PLCH2: variants seen among roughly 807,000 people sequenced by gnomAD.
The protein encoded by PLCH2 is phospholipase C eta 2, also known as 1-phosphatidylinositol 4,5-bisphosphate phosphodiesterase eta-2.
PLCH2 carries 98 observed loss-of-function variants against 134.7 expected under a neutral mutation model. The ratio of observed to expected loss-of-function variants is 0.73; its 90% CI spans 0.62 to 0.86. The LOEUF is 0.86. Ranked by LOEUF, PLCH2 falls within the 40% of genes least tolerant of loss-of-function variation. The probability of loss-of-function intolerance (pLI) is 0.00; values close to 1 mark genes in which losing one functional copy is unlikely to be tolerated. For missense variants in PLCH2, 1,994 were observed against 1,986.6 expected (o/e 1.00, Z -0.07); for synonymous variants, 974 against 827.5 (o/e 1.18, Z -3.04).
Position 2,504,893 on chromosome 1 carries a change from C to A in PLCH2, c.3931C>A (p.Gln1311Lys). Residue 1311 changes from glutamine to lysine, a missense_variant, in exon 22 of 22, where the codon CAG becomes AAG. Physicochemically the swap from Gln to Lys is moderately conservative, Grantham distance 53. Coordinates refer to ENST00000378486, the MANE Select transcript of PLCH2 (RefSeq NM_014638.4). ...GCTGCGCTGGCTCACTGTCTTCCAG[C>A]AGGCAGGAGACATCACGTCACCCAC... ...EQLRWLTVFQ[Q>K]AGDITSPTSL... 6.3e-7 allele frequency: 1 copy of A among 1,586,546 alleles called. No homozygotes were observed. The highest frequency in any genetic ancestry group is 8.6e-7 in the Non-Finnish European group (1 of 1,165,620).
chr1:2,484,582 C>T lies in PLCH2; in HGVS notation c.780C>T (p.Ala260=), dbSNP rs375762490. 147 of 1,612,810 alleles carry T rather than the reference C, an allele frequency of 9.1e-5. No homozygotes were observed. The African/African-American group carries it at 1.2e-3, about 13-fold the overall frequency. Residue 260 remains alanine, a synonymous_variant, in exon 5 of 22, where the codon GCC becomes GCT. Coordinates refer to ENST00000378486, the MANE Select transcript of PLCH2 (RefSeq NM_014638.4). Reference sequence around the variant, plus strand: ...GCAACCACAAGGACCACCTGGATGCCGCCAGCCTGCAGCGCTTCCTGCAGG... The same window carrying T: ...GCAACCACAAGGACCACCTGGATGCTGCCAGCCTGCAGCGCTTCCTGCAGG... ...TYSNHKDHLD[A]ASLQRFLQVE... is the part of the protein sequence containing the mutation.
At chr1:2,487,567 C>T in intron 7 of PLCH2, 31 bp from the exon 8 acceptor site, 1 of 1,602,182 alleles carries the variant, frequency 6.2e-7, no homozygotes, top group Non-Finnish European at 8.5e-7. Context: ...GGCTAGGCCC[C>T]TGGGGCTGAC....
intron 2 of PLCH2, among the ~76,000 whole-genome samples, chr1:2,453,353 A>G (rs576532310): frequency 1.3e-5 from 2 of 152,310 alleles, no homozygotes; most frequent in South Asian, 2.1e-4. Flanking sequence ...CGCCCATTGC[A>G]AAGATGAGGA....
At chr1:2,471,752 G>T (rs1207763307), upstream of PLCH2, among the ~76,000 whole-genome samples, 3 of 152,126 alleles carry the variant, frequency 2.0e-5, no homozygotes, top group Non-Finnish European at 4.4e-5. Flanking sequence ...TAGGACACTG[G>T]CCGTTCCAGC....
At chr1:2,496,254 T>C (rs538137518) in intron 13 of PLCH2, among the ~76,000 whole-genome samples, 2 of 152,112 alleles carry the variant, frequency 1.3e-5, no homozygotes, top group Non-Finnish European at 2.9e-5. Context: ...CCTTGGACCC[T>C]GGCCTCCTCT....
chr1:2,486,657 T>C (rs976812881), intron 5 of PLCH2, among the ~76,000 whole-genome samples: 2 of 152,248 alleles, frequency 1.3e-5, no homozygotes, highest in Non-Finnish European at 2.9e-5. Flanking sequence ...GGTCTCGCAC[T>C]GGTGTGGGGT....
intron 2 of PLCH2, among the ~76,000 whole-genome samples, chr1:2,461,832 G>A (rs1314694102): frequency 6.6e-6 from 1 of 151,780 alleles, no homozygotes; most frequent in African/African-American, 2.4e-5. Flanking sequence ...TGGCACCATG[G>A]AAGGTGGGCA....
rs1215361593 is a variant in PLCH2, at chr1:2,491,429, C to A, written c.1659+94C>A. On this transcript the variant is annotated intron_variant, in intron 11 of 21. Transcript: ENST00000378486. ...AGGGCCCCCGAACGTATGCTCTGTG[C>A]GCACTCACACCTGTGCACACACAAA... 17 of 1,282,760 alleles carry A rather than the reference C, an allele frequency of 1.3e-5. No individual in the cohort carries two copies. The South Asian group carries it at 1.5e-4, about 11-fold the overall frequency. 79.5% of individuals were successfully genotyped at this position (1,282,760 alleles called of 1,614,324 possible).
chr1:2,418,440 C>G, the PLCH2 span, among the ~76,000 whole-genome samples: 1 of 152,200 alleles, frequency 6.6e-6, no homozygotes, highest in Non-Finnish European at 1.5e-5. Flanking sequence ...TCTGGTCGTT[C>G]TGCTCCACCA....
At position 2,504,029 on chromosome 1, in the gene PLCH2, C is replaced by T; in HGVS notation, c.3067C>T (p.Pro1023Ser). The change falls in exon 22 of 22, where the codon CCC (proline) becomes TCC (serine). Residue 1023 changes from proline (P) to serine (S), a missense_variant. By Grantham distance (74) the Pro-to-Ser change is moderately conservative. Around this residue, in one of 2 missense-constraint regions of PLCH2, gnomAD observed 900 missense variants for 752.3 expected, o/e 1.20. Transcript: ENST00000378486. ...TGGTCCCCCGCCACCAGCGGCTGTCCCCACCAGCTCTTCTCAGGGACGGCC... is the reference window on the plus strand; with the variant it reads ...TGGTCCCCCGCCACCAGCGGCTGTCTCCACCAGCTCTTCTCAGGGACGGCC... The part of the protein sequence containing the change: ...GPGPPPPAAV[P>S]TSSSQGRPPY... 6.5e-7 allele frequency: 1 copy of T among 1,539,646 alleles called. No individual in the cohort carries two copies. The highest frequency in any genetic ancestry group is 2.0e-5 in the Admixed American group (1 of 50,722).
At chr1:2,470,129 GC>G (rs573775410) in intron 1 of PLCH2, among the ~76,000 whole-genome samples, 14 of 152,340 alleles carry the variant, frequency 9.2e-5, no homozygotes, top group South Asian at 8.3e-4. Context: ...CTCAGACCTG[GC>G]GACCCAGGAA....
chr1:2,472,903 G>C (rs914536424), upstream of PLCH2, among the ~76,000 whole-genome samples: 1 of 152,096 alleles, frequency 6.6e-6, no homozygotes, highest in Non-Finnish European at 1.5e-5. Flanking sequence ...GCTGCCCCGG[G>C]TGTGTGTGTA....
chr1:2,454,102 A>T (rs999287857), intron 2 of PLCH2, among the ~76,000 whole-genome samples: 4 of 152,184 alleles, frequency 2.6e-5, no homozygotes, highest in Non-Finnish European at 5.9e-5. Flanking sequence ...GGGCATAGCC[A>T]TGAGGGCCAC....
Position 2,435,618 on chromosome 1 carries a change from C to T in PLCH2, c.115+4989C>T, listed in dbSNP as rs566526450. On this transcript the variant is annotated intron_variant, in intron 2 of 3. Transcript: ENST00000609981. ...TGGGAATAGTTGCTGGCTGGCAGGG[C>T]CCGAGTGCAGCGTGACACGGCTCTC... is the stretch of plus-strand genomic sequence containing the variant. Among the ~76,000 whole-genome samples, 212 of 152,186 alleles carry T rather than the reference C, an allele frequency of 1.4e-3. 2 individuals carry two copies. Among genetic ancestry groups the T allele is most frequent in the African/African-American group, 4.8e-3 (199 of 41,500 alleles).
intron 2 of PLCH2, among the ~76,000 whole-genome samples, chr1:2,437,082 G>T (rs1639457911): frequency 6.6e-6 from 1 of 152,238 alleles, no homozygotes; most frequent in Admixed American, 6.5e-5. Context: ...GCCTTCTGTG[G>T]GGCAGGGCAG....
chr1:2,457,390 G>C (rs532609051), intron 2 of PLCH2, among the ~76,000 whole-genome samples: 2 of 152,132 alleles, frequency 1.3e-5, no homozygotes, highest in Non-Finnish European at 2.9e-5. Context: ...CAGTGGCCTC[G>C]TGGCCGTGAT....
chr1:2,448,744 C>G lies in PLCH2; in HGVS notation c.115+18115C>G, dbSNP rs951061284. ...CTCCCCACCATCCCCCCTGGTGCAG[C>G]CTCCTGGCTCCCCACCATCCAGTCT... On this transcript the variant is annotated intron_variant, in intron 2 of 3. Coordinates refer to the PLCH2 transcript ENST00000609981. The surrounding 1 kb of genome is among the most constrained non-coding windows in gnomAD (Gnocchi z 4.0). Among the ~76,000 whole-genome samples the G allele has an allele frequency of 1.1e-4, 16 of 152,150 alleles. No homozygotes were observed. Among genetic ancestry groups the G allele is most frequent in the African/African-American group, 3.6e-4 (15 of 41,534 alleles).
At chr1:2,450,203 C>T (rs1640126429) in intron 2 of PLCH2, among the ~76,000 whole-genome samples, 1 of 152,188 alleles carries the variant, frequency 6.6e-6, no homozygotes, top group African/African-American at 2.4e-5. Context: ...AGATATCGGG[C>T]ACCTCCTCCC....
intron 5 of PLCH2, among the ~76,000 whole-genome samples, chr1:2,485,889 G>A (rs918146289): frequency 6.6e-6 from 1 of 152,160 alleles, no homozygotes; most frequent in Non-Finnish European, 1.5e-5. Flanking sequence ...GCTGTCCCTG[G>A]GCCTGAGCTC....
Sources: gnomAD v4.1 joint callset for allele counts (sites outside exome capture counted in the v4.1 genomes callset) on GRCh38, gnomAD v4.1.1 for gene constraint, gnomAD v4.1.1 regional missense constraint, Gnocchi (gnomAD v3.1) non-coding constraint, MANE v1.5 for transcripts, NCBI Gene and HGNC (gene_info 2026-07-23, HGNC 2026-07-21) for gene names.